LUZP2: variants seen among roughly 807,000 people sequenced by gnomAD.
The protein encoded by LUZP2 is leucine zipper protein 2.
In LUZP2, 52 loss-of-function variants were observed where a neutral mutation model predicts 51.6. The observed-to-expected ratio is 1.01, with a 90% confidence interval of 0.81 to 1.27. The LOEUF (loss-of-function observed/expected upper bound fraction) is 1.27. Among genes scored for constraint, LUZP2 ranks in the 50% most tolerant of loss-of-function variants. LUZP2 has a pLI of 0.00. For synonymous variants in LUZP2, 154 were observed against 137.3 expected, an observed-to-expected ratio of 1.12 and a Z score of -0.85; for missense variants, 436 against 395.4, an observed-to-expected ratio of 1.10 and a Z score of -0.87.
At chr11:24,540,847 T>C (rs1851335087) in intron 1 of LUZP2, among the ~76,000 whole-genome samples, 1 of 152,016 alleles carries the variant, frequency 6.6e-6, no homozygotes, top group Admixed American at 6.6e-5. Context: ...TTTAATAGAA[T>C]CATATCCCTA....
At chr11:24,551,045 A>T (rs1387986458) in intron 1 of LUZP2, among the ~76,000 whole-genome samples, 1 of 152,222 alleles carries the variant, frequency 6.6e-6, no homozygotes, top group South Asian at 2.1e-4. Flanking sequence ...AAATTTATAC[A>T]TTTAGAAGAG....
At position 25,057,799 on chromosome 11, in the gene LUZP2, C is replaced by G. The variant is rs150872681; in HGVS notation, c.858+7669C>G. Among the ~76,000 whole-genome samples, 759 of 151,934 alleles carry G rather than the reference C, an allele frequency of 5.0e-3. 4 individuals carry two copies. Among genetic ancestry groups the G allele is most frequent in the Middle Eastern group, 0.01 (3 of 294 alleles). Reference sequence around the variant, plus strand: ...ATTACATCTGCTTGCAAGTCCCTTACCAAAGGGAGTCTATTCAACATAAAA... The same window carrying G: ...ATTACATCTGCTTGCAAGTCCCTTAGCAAAGGGAGTCTATTCAACATAAAA... On this transcript the variant is annotated intron_variant, in intron 10 of 11. Coordinates refer to ENST00000336930, the MANE Select transcript of LUZP2 (RefSeq NM_001009909.4).
chr11:24,674,740 A>C (rs1401644108), intron 1 of LUZP2, among the ~76,000 whole-genome samples: 1 of 152,060 alleles, frequency 6.6e-6, no homozygotes, highest in African/African-American at 2.4e-5. Context: ...TCCTATCTGC[A>C]TCTTTGTTTC....
At chr11:24,504,570 T>C (rs1291411246) in intron 1 of LUZP2, among the ~76,000 whole-genome samples, 1 of 152,192 alleles carries the variant, frequency 6.6e-6, no homozygotes, top group Non-Finnish European at 1.5e-5. Flanking sequence ...TGTATTTAAG[T>C]GTGTCTCAGG....
intron 1 of LUZP2, among the ~76,000 whole-genome samples, chr11:24,555,641 T>C (rs955271047): frequency 8.5e-5 from 13 of 152,236 alleles, no homozygotes; most frequent in Admixed American, 2.0e-4. Context: ...TCCAAAGATA[T>C]TCATTCAAAT....
At chr11:24,707,501 A>G (rs1334456491) in intron 1 of LUZP2, among the ~76,000 whole-genome samples, 2 of 152,160 alleles carry the variant, frequency 1.3e-5, no homozygotes, top group East Asian at 1.9e-4. Context: ...ACTCTTAGAT[A>G]TGATGAGAAT....
chr11:24,797,566 C>T (rs550426288), intron 5 of LUZP2, among the ~76,000 whole-genome samples: 18 of 152,210 alleles, frequency 1.2e-4, no homozygotes, highest in African/African-American at 4.3e-4. Context: ...AGATTCAAAC[C>T]ACAGAAAACT....
At chr11:24,639,537 C>T (rs991429081) in intron 1 of LUZP2, among the ~76,000 whole-genome samples, 12 of 151,666 alleles carry the variant, frequency 7.9e-5, no homozygotes, top group Admixed American at 4.6e-4. Context: ...CCGCAACCTC[C>T]GCCTCCTGGG....
chr11:24,906,105 T>C, intron 6 of LUZP2, 52 bp downstream of exon 6: 1 of 1,393,772 alleles, frequency 7.2e-7, no homozygotes, highest in Non-Finnish European at 1.0e-6. Context: ...ACAGTATTAT[T>C]GTCAGATTTT....
At chr11:24,783,939 G>T (rs1471861) in intron 5 of LUZP2, among the ~76,000 whole-genome samples, 1 of 151,486 alleles carries the variant, frequency 6.6e-6, no homozygotes, top group South Asian at 2.1e-4. Flanking sequence ...GAAATGAAAG[G>T]TGACACCTAT....
chr11:24,864,508 T>A (rs1399910117), intron 5 of LUZP2, among the ~76,000 whole-genome samples: 1 of 152,216 alleles, frequency 6.6e-6, no homozygotes. Flanking sequence ...AGCTCAATGA[T>A]CACATATGAG....
intron 9 of LUZP2, among the ~76,000 whole-genome samples, chr11:24,997,116 T>A (rs1856527505): frequency 6.6e-6 from 1 of 150,544 alleles, no homozygotes; most frequent in African/African-American, 2.4e-5. Context: ...TGATTTATAG[T>A]CCTTTGGGTA....
At position 24,889,184 on chromosome 11, in the gene LUZP2, C is replaced by A. The variant is rs543425634; in HGVS notation, c.397-16807C>A. On this transcript the variant is annotated intron_variant, in intron 5 of 11. Transcript: ENST00000336930. ...TTAGCCTAAAATATAAATTTGGTTA[C>A]TTGAATGTTCTTCCTTGCTGTTCTT... 2.0e-4 allele frequency among the ~76,000 whole-genome samples: 31 copies of A among 152,272 alleles called. No individual in the cohort carries two copies. The South Asian group carries it at 6.4e-3, about 32-fold the overall frequency.
intron 11 of LUZP2, among the ~76,000 whole-genome samples, chr11:25,077,688 G>T (rs11028404): frequency 0.4 from 59,887 of 151,174 alleles, 13,814 homozygotes; most frequent in Non-Finnish European, 0.52. Flanking sequence ...AGTAGAGACG[G>T]GGTTTCACTG....
chr11:24,845,888 T>C (rs962304854), intron 5 of LUZP2, among the ~76,000 whole-genome samples: 1 of 152,102 alleles, frequency 6.6e-6, no homozygotes, highest in Non-Finnish European at 1.5e-5. Context: ...TATGTTTTTA[T>C]CAGCAGTCTG....
intron 1 of LUZP2, among the ~76,000 whole-genome samples, chr11:24,715,217 G>T (rs1857990465): frequency 6.6e-6 from 1 of 150,430 alleles, no homozygotes; most frequent in Admixed American, 6.7e-5. Flanking sequence ...TTTATATAAG[G>T]CACTTGAGCA....
intron 9 of LUZP2, among the ~76,000 whole-genome samples, chr11:25,043,269 A>G (rs1237117127): frequency 6.6e-6 from 1 of 152,186 alleles, no homozygotes; most frequent in African/African-American, 2.4e-5. Context: ...ATCCTTTGTC[A>G]TATAAAGTAG....
chr11:24,791,606 C>T (rs1209852768), intron 5 of LUZP2, among the ~76,000 whole-genome samples: 1 of 151,894 alleles, frequency 6.6e-6, no homozygotes, highest in African/African-American at 2.4e-5. Flanking sequence ...ATTTTATTTT[C>T]ATCTCTTCAA....
chr11:25,023,989 G>A (rs1434714114), intron 9 of LUZP2, among the ~76,000 whole-genome samples: 2 of 152,132 alleles, frequency 1.3e-5, no homozygotes, highest in South Asian at 2.1e-4. Flanking sequence ...TTGCACTGTG[G>A]TCTGAGAGAC....
Sources: allele counts gnomAD v4.1 joint callset (sites outside exome capture counted in the v4.1 genomes callset), GRCh38; gene constraint gnomAD v4.1.1; transcripts MANE v1.5; gene names NCBI Gene and HGNC (gene_info 2026-07-23, HGNC 2026-07-21).